The following TFDP1 variants were observed in gnomAD, a reference collection of about 807,000 sequenced individuals.
The protein encoded by TFDP1 is transcription factor Dp-1, also known as DRTF1-polypeptide 1.
Under a neutral mutation model 48.0 loss-of-function variants are expected in TFDP1, and 6 were observed. That is an observed-to-expected ratio of 0.13 (90% confidence interval 0.07 to 0.25). TFDP1 has a LOEUF of 0.25. Among genes scored for constraint, TFDP1 ranks in the 10% least tolerant of loss-of-function variants. The pLI is 1.00. For missense variants in TFDP1, 335 were observed against 543.0 expected (o/e 0.62, Z 3.81); for synonymous variants, 201 against 211.6 (o/e 0.95, Z 0.44).
rs1158105474 is a variant in TFDP1 at position 113,633,481 on chromosome 13, C to T, written c.474+196C>T. 6.6e-6 allele frequency among the ~76,000 whole-genome samples: 1 copy of T among 152,110 alleles called. No homozygotes were observed. Among genetic ancestry groups the T allele is most frequent in the Non-Finnish European group, 1.5e-5 (1 of 68,022 alleles). On this transcript the variant is annotated intron_variant, in intron 6 of 11. Transcript: ENST00000375370. The surrounding 1 kb of genome is among the most constrained non-coding windows in gnomAD (Gnocchi z 4.5). The stretch of plus-strand genomic sequence containing the variant: ...GGTGGCGGAGCCCAGCGGTGTGGTA[C>T]GTTTCGCTCTTTTAATATCGGGAAC...
intron 3 of TFDP1, among the ~76,000 whole-genome samples, chr13:113,614,850 C>T (rs960309274): frequency 2.6e-5 from 4 of 152,184 alleles, no homozygotes; most frequent in Non-Finnish European, 5.9e-5. Context: ...TGGTGAATTC[C>T]TTTTCTGGGA....
chr13:113,635,327 C>G lies in TFDP1; in HGVS notation c.688-650C>G, dbSNP rs561168899. ...GATGGAGGCTCGTGGGCAGGAGCTC[C>G]TCAGGACCCACAGAGTGTCAGGAGG... On this transcript the variant is annotated intron_variant, in intron 8 of 11. Transcript: ENST00000375370. Among the ~76,000 whole-genome samples the G allele has an allele frequency of 2.0e-5, 3 of 152,352 alleles. No individual in the cohort carries two copies. The South Asian group carries it at 6.2e-4, about 32-fold the overall frequency.
chr13:113,595,988 A>G (rs2048280231), intron 2 of TFDP1, among the ~76,000 whole-genome samples: 1 of 152,206 alleles, frequency 6.6e-6, no homozygotes, highest in South Asian at 2.1e-4. Context: ...AGGCTGAGGC[A>G]GGAGAATGGT....
rs370499664 is a variant in TFDP1 at position 113,623,332 on chromosome 13, C to T, written c.186+46C>T. ...GACAGCCGGGATCTCGGTGTGAGGT[C>T]GGGATCGGATGAGCCGTGTGGTTGG... On this transcript the variant is annotated intron_variant, in intron 4 of 11. Coordinates refer to ENST00000375370, the MANE Select transcript of TFDP1 (RefSeq NM_007111.5). The surrounding 1 kb of genome is among the most constrained non-coding windows in gnomAD (Gnocchi z 5.2). 5.7e-5 allele frequency: 88 copies of T among 1,543,148 alleles called. 1 individual carries two copies. The highest frequency in any genetic ancestry group is 1.1e-4 in the South Asian group (9 of 84,920).
chr13:113,602,100 G>T (rs938280599), intron 2 of TFDP1, among the ~76,000 whole-genome samples: 1 of 151,652 alleles, frequency 6.6e-6, no homozygotes, highest in Admixed American at 6.6e-5. Context: ...GGAGTTACCC[G>T]CAGGAGTCGA....
chr13:113,634,237 T>C lies in TFDP1; in HGVS notation c.618+204T>C, dbSNP rs774940040. 11 of 742,016 alleles carry C rather than the reference T, an allele frequency of 1.5e-5. No homozygotes were observed. In the African/African-American group the frequency reaches 1.9e-4, roughly 13 times the overall value. 46.0% of individuals were successfully genotyped at this position (742,016 alleles called of 1,614,324 possible). On this transcript the variant is annotated intron_variant, in intron 7 of 11. Coordinates refer to ENST00000375370, the MANE Select transcript of TFDP1 (RefSeq NM_007111.5). ...TGGTTGGCCCAGACCCACTAGAGTC[T>C]GTTAAACTCTAGTGTAGGTTAATTC... is the stretch of plus-strand genomic sequence containing the variant.
chr13:113,597,358 G>A (rs914394130), intron 2 of TFDP1, among the ~76,000 whole-genome samples: 22 of 152,216 alleles, frequency 1.4e-4, no homozygotes, highest in Non-Finnish European at 2.5e-4. Flanking sequence ...GCTATGGGGC[G>A]GCTCTTCCCT....
intron 2 of TFDP1, among the ~76,000 whole-genome samples, chr13:113,601,010 T>C (rs886949465): frequency 2.0e-5 from 3 of 152,200 alleles, no homozygotes; most frequent in African/African-American, 7.2e-5. Context: ...CTTGATGCTT[T>C]TGCTCACTCG....
chr13:113,636,839 G>A (rs754611012), intron 10 of TFDP1, 139 bp downstream of exon 10: 11 of 1,069,818 alleles, frequency 1.0e-5, no homozygotes, highest in Non-Finnish European at 1.4e-5. Context: ...AAGACAAAGG[G>A]GCTGTGAGGG....
In TFDP1 at chr13:113,635,860, GT is replaced by G. The variant is rs2049472169; in HGVS notation, c.688-116del. ...AGCGGCCGGCGCTGGCATTTCAGAT[GT>G]CCAGGCCAACTCCTCGCTGTCACGT... On this transcript the variant is annotated intron_variant, in intron 8 of 11. Transcript: ENST00000375370. The G allele has an allele frequency of 1.4e-5, 17 of 1,239,662 alleles. No homozygotes were observed. The Middle Eastern group carries it at 1.7e-3, about 125-fold the overall frequency. 76.8% of individuals were successfully genotyped at this position (1,239,662 alleles called of 1,614,324 possible).
At chr13:113,591,685 T>TA (rs1184163618) in intron 2 of TFDP1, among the ~76,000 whole-genome samples, 4 of 152,240 alleles carry the variant, frequency 2.6e-5, no homozygotes, top group Admixed American at 1.3e-4. Context: ...TAGCTTGACT[T>TA]ACAGTGTGGC....
At chr13:113,630,124 T>C (rs2140562430) in intron 4 of TFDP1, among the ~76,000 whole-genome samples, 1 of 151,650 alleles carries the variant, frequency 6.6e-6, no homozygotes, top group East Asian at 1.9e-4. Flanking sequence ...GTCAGCTGTT[T>C]GGATCTCCCA....
chr13:113,637,096 A>G (rs1415241490), intron 10 of TFDP1: 1 of 187,368 alleles, frequency 5.3e-6, no homozygotes, highest in Non-Finnish European at 1.1e-5. Context: ...AAAGTCACCA[A>G]GAAAAAGCAT....
At chr13:113,591,287 GC>G (rs1308504080) in intron 2 of TFDP1, among the ~76,000 whole-genome samples, 2 of 150,278 alleles carry the variant, frequency 1.3e-5, no homozygotes, top group Non-Finnish European at 2.9e-5. Flanking sequence ...GTTGCAGTGA[GC>G]CGAGATCACG....
rs113406478 is a variant in TFDP1, at chr13:113,607,085, G to A, written c.13-3911G>A. On this transcript the variant is annotated intron_variant, in intron 2 of 11. Coordinates refer to ENST00000375370, the MANE Select transcript of TFDP1 (RefSeq NM_007111.5). This position sits in a 1 kb window ranked among gnomAD's most constrained non-coding sequence, Gnocchi z 5.2. ...TGAGGGTGGCTTTGCAGTGTCCGGA[G>A]ATGATTCTGGTTGTCCCACCCAGGG... Among the ~76,000 whole-genome samples, 3 of 152,378 alleles carry A rather than the reference G, an allele frequency of 2.0e-5. No homozygotes were observed. Among genetic ancestry groups the A allele is most frequent in the African/African-American group, 7.2e-5 (3 of 41,594 alleles).
intron 2 of TFDP1, among the ~76,000 whole-genome samples, chr13:113,589,728 C>A (rs2048094649): frequency 6.6e-6 from 1 of 152,224 alleles, no homozygotes; most frequent in Non-Finnish European, 1.5e-5. Context: ...GTCGGACAGA[C>A]CCTTGTCACG....
rs2049619549 is a variant in TFDP1 at position 113,640,632 on chromosome 13, G to C, written c.*365G>C. 1 of 273,460 alleles carries C rather than the reference G, an allele frequency of 3.7e-6. No individual in the cohort carries two copies. Among genetic ancestry groups the C allele is most frequent in the Admixed American group, 6.1e-5 (1 of 16,386 alleles). 16.9% of individuals were successfully genotyped at this position (273,460 alleles called of 1,614,324 possible). On this transcript the variant is annotated 3_prime_UTR_variant, in exon 12 of 12. Transcript: ENST00000375370. ...TGAAAATAAAACACCTCCTGTTGTG[G>C]ATGGTGAGCCCCTGATGCCGCTTAT...
Position 113,591,019 on chromosome 13 carries a change from A to G in TFDP1, c.12+5170A>G, listed in dbSNP as rs2048128929. Among the ~76,000 whole-genome samples, 4 of 148,368 alleles carry G rather than the reference A, an allele frequency of 2.7e-5. No homozygotes were observed. In the South Asian group the frequency reaches 8.4e-4, roughly 31 times the overall value. ...AGCGAGACTCTGTCTCAAAAAAAAAAAAAAAAAAAAAGAAAAAGAAAATTA... is the reference window on the plus strand; with the variant it reads ...AGCGAGACTCTGTCTCAAAAAAAAAGAAAAAAAAAAAGAAAAAGAAAATTA... On this transcript the variant is annotated intron_variant, in intron 2 of 11. Coordinates refer to ENST00000375370, the MANE Select transcript of TFDP1 (RefSeq NM_007111.5).
At chr13:113,632,717 G>C (rs1011449028) in intron 5 of TFDP1, among the ~76,000 whole-genome samples, 1 of 152,224 alleles carries the variant, frequency 6.6e-6, no homozygotes, top group African/African-American at 2.4e-5. Context: ...GGTGGAGGTT[G>C]CAGTGAGCCG....
Sources: gnomAD v4.1 joint callset for allele counts (sites outside exome capture counted in the v4.1 genomes callset) on GRCh38, gnomAD v4.1.1 for gene constraint, Gnocchi (gnomAD v3.1) non-coding constraint, MANE v1.5 for transcripts, NCBI Gene and HGNC (gene_info 2026-07-23, HGNC 2026-07-21) for gene names.